The following EFR3A variants were observed in gnomAD, a reference collection of about 807,000 sequenced individuals.
EFR3A encodes protein EFR3 homolog A.
EFR3A carries 76 observed loss-of-function variants against 104.4 expected under a neutral mutation model. That is an observed-to-expected ratio of 0.73 (90% CI 0.60 to 0.88). The LOEUF (loss-of-function observed/expected upper bound fraction) is 0.88, where lower values mean the gene tolerates loss of function less well. Ranked by LOEUF, EFR3A falls within the 40% of genes least tolerant of loss-of-function variation. The probability of loss-of-function intolerance (pLI) is 0.00; values close to 1 mark genes in which losing one functional copy is unlikely to be tolerated. For synonymous variants in EFR3A, 330 were observed against 330.0 expected, an observed-to-expected ratio of 1.00 and a Z score of 0.00; for missense variants, 985 against 1,012.5, an observed-to-expected ratio of 0.97 and a Z score of 0.37.
At chr8:132,010,692 A>G (rs961957494) in intron 22 of EFR3A, 98 bp from the exon 23 acceptor site, 1 of 1,392,122 alleles carries the variant, frequency 7.2e-7, no homozygotes, top group Non-Finnish European at 9.8e-7. Flanking sequence ...GCAATTAAGG[A>G]GTCTGACTTT....
rs1182699807 is a variant in EFR3A at position 131,979,011 on chromosome 8, AGGGATCAGGT to A, written c.1492_1499+2del. ...GTCATGACAATAGGGCAAAGCTTCG[AGGGATCAGGT>A]AATGTGCCATTTTGAAATGGATCTA... is the stretch of plus-strand genomic sequence containing the variant. On this transcript the variant is annotated splice_donor_variant and coding_sequence_variant, in exon 13 of 23. Coordinates refer to ENST00000254624, the MANE Select transcript of EFR3A (RefSeq NM_015137.6). LOFTEE classifies it high-confidence loss of function. The A allele has an allele frequency of 6.2e-7, 1 of 1,607,718 alleles. No individual in the cohort carries two copies. The highest frequency in any genetic ancestry group is 8.5e-7 in the Non-Finnish European group (1 of 1,177,552).
intron 1 of EFR3A, among the ~76,000 whole-genome samples, chr8:131,908,222 G>A (rs1437629488): frequency 1.3e-5 from 2 of 151,870 alleles, no homozygotes; most frequent in African/African-American, 2.4e-5. Context: ...CACCACGCCC[G>A]GCTAATTTTT....
At chr8:131,906,194 G>A (rs1448330699) in intron 1 of EFR3A, among the ~76,000 whole-genome samples, 1 of 152,128 alleles carries the variant, frequency 6.6e-6, no homozygotes, top group Non-Finnish European at 1.5e-5. Context: ...GAAATTGCTG[G>A]GATAGTGCAG....
At chr8:131,998,940 A>G (rs1034997685) in intron 19 of EFR3A, among the ~76,000 whole-genome samples, 72 of 152,040 alleles carry the variant, frequency 4.7e-4, no homozygotes, top group African/African-American at 1.7e-3. Context: ...ATTCAAGAAG[A>G]TAAATGACTA....
At chr8:131,906,429 T>C (rs1471528073) in intron 1 of EFR3A, among the ~76,000 whole-genome samples, 1 of 152,234 alleles carries the variant, frequency 6.6e-6, no homozygotes, top group African/African-American at 2.4e-5. Context: ...GAGTTTTAAT[T>C]AAAATCAAAG....
At chr8:131,917,938 G>T (rs1816823181) in intron 1 of EFR3A, among the ~76,000 whole-genome samples, 1 of 152,162 alleles carries the variant, frequency 6.6e-6, no homozygotes, top group Non-Finnish European at 1.5e-5. Context: ...AGAGGCATAT[G>T]ATTAACATAA....
At chr8:131,973,300 GTTAT>G (rs1412847250) in intron 10 of EFR3A, among the ~76,000 whole-genome samples, 2 of 151,720 alleles carry the variant, frequency 1.3e-5, no homozygotes, top group Non-Finnish European at 2.9e-5. Context: ...ATTTATTTCG[GTTAT>G]TTATAGATTT....
intron 14 of EFR3A, among the ~76,000 whole-genome samples, chr8:131,980,530 AT>A (rs1312468852): frequency 8.5e-5 from 13 of 152,052 alleles, no homozygotes; most frequent in African/African-American, 2.7e-4. Flanking sequence ...TTTTTAAAAT[AT>A]TTTTTATTGA....
intron 1 of EFR3A, among the ~76,000 whole-genome samples, chr8:131,939,117 A>G (rs1818043646): frequency 6.6e-6 from 1 of 152,158 alleles, no homozygotes; most frequent in African/African-American, 2.4e-5. Flanking sequence ...CTCTTACTGC[A>G]TTACTAATAA....
intron 4 of EFR3A, among the ~76,000 whole-genome samples, chr8:131,947,250 T>G (rs1818485413): frequency 6.6e-6 from 1 of 152,054 alleles, no homozygotes; most frequent in African/African-American, 2.4e-5. Context: ...GTGGTTTTGA[T>G]TTTCATTTCC....
chr8:131,955,717 G>C (rs993372958), intron 6 of EFR3A, 51 bp from the exon 7 acceptor site: 3 of 1,573,520 alleles, frequency 1.9e-6, no homozygotes, highest in Non-Finnish European at 2.6e-6. Flanking sequence ...TTGTTTATTA[G>C]AACTGATATT....
At position 131,978,970 on chromosome 8, in the gene EFR3A, C is replaced by T; in HGVS notation, c.1450C>T (p.His484Tyr). The T allele has an allele frequency of 6.2e-7, 1 of 1,612,964 alleles. No homozygotes were observed. Among genetic ancestry groups the T allele is most frequent in the Non-Finnish European group, 8.5e-7 (1 of 1,179,264 alleles). ...ELRQLVLEVM[H>Y]NLMDRHDNRA... ...GAGACAGTTGGTCTTGGAAGTAATGCATAATCTCATGGATCGTCATGACAA... is the reference window on the plus strand; with the variant it reads ...GAGACAGTTGGTCTTGGAAGTAATGTATAATCTCATGGATCGTCATGACAA... Residue 484 changes from histidine (H) to tyrosine (Y), a missense_variant, in exon 13 of 23, where the codon CAT becomes TAT. By Grantham distance (83) the His-to-Tyr change is moderately conservative. Coordinates refer to ENST00000254624, the MANE Select transcript of EFR3A (RefSeq NM_015137.6).
intron 19 of EFR3A, among the ~76,000 whole-genome samples, chr8:131,999,832 A>T (rs1307545757): frequency 5.9e-5 from 9 of 152,202 alleles, no homozygotes; most frequent in Admixed American, 5.9e-4. Flanking sequence ...AAATTTAGTC[A>T]GTGTCATTAT....
At chr8:131,983,099 G>T (rs1045416670) in intron 14 of EFR3A, among the ~76,000 whole-genome samples, 1 of 152,154 alleles carries the variant, frequency 6.6e-6, no homozygotes, top group Non-Finnish European at 1.5e-5. Flanking sequence ...AGACATACTG[G>T]CTTCAGAAGA....
At chr8:131,937,294 A>T (rs1817946058) in intron 1 of EFR3A, among the ~76,000 whole-genome samples, 1 of 152,146 alleles carries the variant, frequency 6.6e-6, no homozygotes, top group African/African-American at 2.4e-5. Flanking sequence ...GGCACTTTTT[A>T]TGTATTATTA....
chr8:132,002,567 A>T (rs1010329714), intron 20 of EFR3A, 36 bp from the exon 21 acceptor site: 1 of 1,532,756 alleles, frequency 6.5e-7, no homozygotes, highest in Non-Finnish European at 9.0e-7. Context: ...GAAATTATGT[A>T]TTCCCTTTAA....
rs1327943788 is a variant in EFR3A at position 131,968,325 on chromosome 8, A to T, written c.886A>T (p.Ile296Phe). The T allele has an allele frequency of 6.2e-7, 1 of 1,613,062 alleles. No individual in the cohort carries two copies. Among genetic ancestry groups the T allele is most frequent in the Non-Finnish European group, 8.5e-7 (1 of 1,179,504 alleles). ...AQYSHHVIQE[I>F]LGHLDARKKD... ...GTATTCTCACCATGTGATCCAGGAG[A>T]TTCTAGGACACCTTGATGCTCGTAA... Residue 296 changes from isoleucine (I) to phenylalanine (F), a missense_variant, in exon 9 of 23, where the codon ATT (isoleucine) becomes TTT (phenylalanine). Ile to Phe is a conservative substitution (Grantham distance 21). Coordinates refer to ENST00000254624, the MANE Select transcript of EFR3A (RefSeq NM_015137.6).
intron 7 of EFR3A, among the ~76,000 whole-genome samples, chr8:131,957,413 T>A (rs1819061589): frequency 6.7e-6 from 1 of 149,370 alleles, no homozygotes; most frequent in South Asian, 2.1e-4. Context: ...TGCAATGGCA[T>A]GATCTTGGCT....
intron 8 of EFR3A, 58 bp from the exon 9 acceptor site, chr8:131,968,236 GA>G: frequency 2.0e-6 from 3 of 1,521,120 alleles, no homozygotes; most frequent in African/African-American, 2.8e-5. Flanking sequence ...TTATTCTTAG[GA>G]ATTCTGCCAA....
Sources: allele counts gnomAD v4.1 joint callset (sites outside exome capture counted in the v4.1 genomes callset), GRCh38; gene constraint gnomAD v4.1.1; transcripts MANE v1.5; gene names NCBI Gene and HGNC (gene_info 2026-07-23, HGNC 2026-07-21).